The following PKD1L3 variants were observed in gnomAD, a reference collection of about 807,000 sequenced individuals.
PKD1L3 encodes the protein polycystin 1 like 3, transient receptor potential channel interacting, also known as polycystin-1-like protein 3.
Under a neutral mutation model 184.1 loss-of-function variants are expected in PKD1L3, and 239 were observed. The ratio of observed to expected loss-of-function variants is 1.30; its 90% CI spans 1.17 to 1.45. The LOEUF is 1.45. Among genes scored for constraint, PKD1L3 ranks in the 40% most tolerant of loss-of-function variants. PKD1L3 has a pLI of 0.00. For synonymous variants in PKD1L3, 996 were observed against 778.8 expected (o/e 1.28, Z -4.64); for missense variants, 2,660 against 2,067.2 (o/e 1.29, Z -5.56).
At chr16:71,996,819 G>C (rs2040802421) in intron 2 of PKD1L3, among the ~76,000 whole-genome samples, 1 of 152,086 alleles carries the variant, frequency 6.6e-6, no homozygotes, top group Non-Finnish European at 1.5e-5. Context: ...AACAACCAGA[G>C]GGATTCACTT....
intron 12 of PKD1L3, among the ~76,000 whole-genome samples, chr16:71,971,989 G>A (rs903760984): frequency 3.3e-5 from 5 of 152,170 alleles, no homozygotes; most frequent in Non-Finnish European, 5.9e-5. Context: ...GGCCGAGGCA[G>A]GCGGATCACG....
At chr16:71,964,496 G>C (rs553275439) in intron 15 of PKD1L3, among the ~76,000 whole-genome samples, 4 of 151,062 alleles carry the variant, frequency 2.6e-5, no homozygotes, top group African/African-American at 9.7e-5. Context: ...GAGCCACCAC[G>C]CCCGGCTAGT....
chr16:71,935,958 G>C (rs1277318940), intron 25 of PKD1L3, among the ~76,000 whole-genome samples: 2 of 151,946 alleles, frequency 1.3e-5, no homozygotes, highest in African/African-American at 4.8e-5. Context: ...ACCATGCCCG[G>C]CTAAGTTTTG....
chr16:71,983,238 C>T (rs1163103886), intron 6 of PKD1L3, among the ~76,000 whole-genome samples: 1 of 151,670 alleles, frequency 6.6e-6, no homozygotes, highest in Non-Finnish European at 1.5e-5. Flanking sequence ...CCTCCACCTT[C>T]CGGGCTCAAA....
At chr16:71,985,514 G>T (rs1332885822) in intron 5 of PKD1L3, among the ~76,000 whole-genome samples, 1 of 152,058 alleles carries the variant, frequency 6.6e-6, no homozygotes, top group Non-Finnish European at 1.5e-5. Context: ...GACCTCCCAG[G>T]CTCAAGCAAC....
rs1295390241 is a variant in PKD1L3 at position 71,993,314 on chromosome 16, T to C, written c.437A>G (p.Asp146Gly). Reference protein sequence around the residue: ...ICQTGDFLDGDAHYERNGNNS... With the variant: ...ICQTGDFLDGGAHYERNGNNS... ...ATTTCCATTTCTTTCATAATGGGCA[T>C]CTCCGTCCAAAAAGTCACCTATTTG... is the stretch of plus-strand genomic sequence containing the variant. Residue 146 changes from aspartate to glycine, a missense_variant, in exon 3 of 30, where the codon GAT (aspartate) becomes GGT (glycine). Transcript: ENST00000620267. The C allele has an allele frequency of 5.2e-6, 8 of 1,548,040 alleles. No homozygotes were observed. The South Asian group carries it at 8.4e-5, about 16-fold the overall frequency.
intron 28 of PKD1L3, 162 bp from the exon 29 acceptor site, chr16:71,930,345 T>C: frequency 1.6e-6 from 1 of 635,090 alleles, no homozygotes; most frequent in Non-Finnish European, 2.4e-6. Context: ...TACTTTTAAA[T>C]GGACAGAAGA....
chr16:71,997,243 C>T lies in PKD1L3; in HGVS notation c.418+1029G>A, dbSNP rs139971459. ...CGTGAGCACAGGTTTTCTCATTCTG[C>T]GATAAATGCCCAGCAATTGCTCAGT... is the stretch of plus-strand genomic sequence containing the variant. On this transcript the variant is annotated intron_variant, in intron 2 of 29. Transcript: ENST00000620267. Among the ~76,000 whole-genome samples, 164 of 151,888 alleles carry T rather than the reference C, an allele frequency of 1.1e-3. 2 individuals are homozygous for T. In the East Asian group the frequency reaches 0.028, roughly 26 times the overall value.
intron 5 of PKD1L3, 101 bp downstream of exon 5, chr16:71,986,120 T>G: frequency 7.0e-7 from 1 of 1,423,564 alleles, no homozygotes; most frequent in Non-Finnish European, 9.5e-7. Flanking sequence ...CGCTGGTCTG[T>G]CAGGCATTCT....
At chr16:71,951,500 A>T in intron 19 of PKD1L3, 64 bp downstream of exon 19, 1 of 1,442,580 alleles carries the variant, frequency 6.9e-7, no homozygotes, top group Non-Finnish European at 9.3e-7. Context: ...GTAAGAAAGT[A>T]AGACATATGC....
intron 7 of PKD1L3, 141 bp downstream of exon 7, chr16:71,981,918 G>T: frequency 1.1e-6 from 1 of 918,236 alleles, no homozygotes; most frequent in Non-Finnish European, 1.5e-6. Context: ...CCTTGGAGAA[G>T]GCATGGCAGA....
At chr16:71,955,006 C>A (rs766869297) in intron 16 of PKD1L3, among the ~76,000 whole-genome samples, 1 of 152,078 alleles carries the variant, frequency 6.6e-6, no homozygotes, top group Non-Finnish European at 1.5e-5. Flanking sequence ...AACAAAAAAA[C>A]CTCTGTAGGG....
chr16:71,984,781 C>G (rs906216938), intron 5 of PKD1L3, among the ~76,000 whole-genome samples: 1 of 152,166 alleles, frequency 6.6e-6, no homozygotes, highest in African/African-American at 2.4e-5. Context: ...ATCTCTTGAA[C>G]CCGGGAGGCA....
intron 15 of PKD1L3, among the ~76,000 whole-genome samples, chr16:71,966,172 T>C (rs1443061098): frequency 6.6e-6 from 1 of 152,198 alleles, no homozygotes; most frequent in Non-Finnish European, 1.5e-5. Flanking sequence ...ATTGAGTGCC[T>C]GAGCCTTAAG....
At chr16:71,953,199 A>C (rs1267135140) in intron 17 of PKD1L3, 106 bp from the exon 18 acceptor site, 4 of 935,576 alleles carry the variant, frequency 4.3e-6, no homozygotes, top group Non-Finnish European at 6.1e-6. Context: ...AACTACGTTT[A>C]TCTAGAGATA....
chr16:71,958,455 A>G (rs753435009), intron 16 of PKD1L3, among the ~76,000 whole-genome samples: 11 of 151,760 alleles, frequency 7.2e-5, no homozygotes, highest in Non-Finnish European at 1.5e-4. Flanking sequence ...TACTTCAACA[A>G]GGAGAAAAAA....
intron 28 of PKD1L3, chr16:71,930,772 CTGT>C (rs1461285522): frequency 6.6e-6 from 1 of 152,030 alleles, no homozygotes; most frequent in Non-Finnish European, 1.5e-5. Flanking sequence ...ATAACAAAAA[CTGT>C]TGTTTAAAAT....
intron 12 of PKD1L3, among the ~76,000 whole-genome samples, chr16:71,971,582 G>T (rs1311172288): frequency 6.6e-6 from 1 of 152,208 alleles, no homozygotes; most frequent in Non-Finnish European, 1.5e-5. Context: ...GCAATCAACT[G>T]GTCTGTGCTG....
At chr16:71,977,054 T>A (rs147455858) in intron 11 of PKD1L3, among the ~76,000 whole-genome samples, 182 bp downstream of exon 11, 238 of 152,322 alleles carry the variant, frequency 1.6e-3, no homozygotes, top group African/African-American at 5.3e-3. Context: ...ACAAAATTTT[T>A]TTTAAGAAAT....
Sources: allele counts gnomAD v4.1 joint callset (sites outside exome capture counted in the v4.1 genomes callset), GRCh38; gene constraint gnomAD v4.1.1; transcripts MANE v1.5; gene names NCBI Gene and HGNC (gene_info 2026-07-23, HGNC 2026-07-21).